The following CCSER1 variants were observed in gnomAD, a reference collection of about 807,000 sequenced individuals.
CCSER1 encodes the protein serine-rich coiled-coil domain-containing protein 1.
A neutral mutation model predicts 82.0 loss-of-function variants in CCSER1; 41 were observed. The ratio of observed to expected loss-of-function variants is 0.50; its 90% CI spans 0.39 to 0.65. The LOEUF is 0.65. Among genes scored for constraint, CCSER1 ranks in the 30% least tolerant of loss-of-function variants. CCSER1 has a pLI of 0.00. For missense variants in CCSER1, 1,119 were observed against 1,064.2 expected (o/e 1.05, Z -0.72); for synonymous variants, 414 against 383.9 (o/e 1.08, Z -0.92).
At chr4:90,855,224 T>C in intron 8 of CCSER1, among the ~76,000 whole-genome samples, 1 of 152,080 alleles carries the variant, frequency 6.6e-6, no homozygotes, top group East Asian at 1.9e-4. Context: ...AATAGATGAC[T>C]ACATTTGTTT....
rs557471523 is a variant in CCSER1 at position 90,690,411 on chromosome 4, C to T, written c.1933-33503C>T. 2.2e-4 allele frequency among the ~76,000 whole-genome samples: 33 copies of T among 152,098 alleles called. No homozygotes were observed. In the South Asian group the frequency reaches 6.0e-3, roughly 28 times the overall value. On this transcript the variant is annotated intron_variant, in intron 6 of 10. Transcript: ENST00000509176. ...AAGGGAGAATTAATATTTCACTCAC[C>T]GCTTAGAGAAAGGTTTCTCTTACTC... is the stretch of plus-strand genomic sequence containing the variant.
intron 10 of CCSER1, among the ~76,000 whole-genome samples, chr4:91,396,049 A>G (rs1177261714): frequency 2.6e-5 from 4 of 152,200 alleles, no homozygotes; most frequent in South Asian, 2.1e-4. Flanking sequence ...CTAGATAGCA[A>G]TTCAGCCATT....
intron 5 of CCSER1, among the ~76,000 whole-genome samples, chr4:90,627,160 A>G (rs1160136414): frequency 6.6e-6 from 1 of 152,198 alleles, no homozygotes; most frequent in Non-Finnish European, 1.5e-5. Context: ...GGACAATTGA[A>G]CCACTGAACA....
chr4:91,222,150 G>A (rs978584428), intron 10 of CCSER1, among the ~76,000 whole-genome samples: 1 of 151,212 alleles, frequency 6.6e-6, no homozygotes, highest in African/African-American at 2.4e-5. Flanking sequence ...GGCTGCTACT[G>A]TGAACTGATT....
At chr4:91,171,562 A>T (rs1732759402) in intron 10 of CCSER1, among the ~76,000 whole-genome samples, 1 of 152,182 alleles carries the variant, frequency 6.6e-6, no homozygotes, top group African/African-American at 2.4e-5. Flanking sequence ...ATAAATACAC[A>T]GTATCCTGCA....
intron 10 of CCSER1, among the ~76,000 whole-genome samples, chr4:91,245,219 A>C (rs1028675101): frequency 6.6e-6 from 1 of 152,196 alleles, no homozygotes; most frequent in Non-Finnish European, 1.5e-5. Context: ...ATAGTGGTAT[A>C]AAGCTTGTTC....
intron 8 of CCSER1, among the ~76,000 whole-genome samples, chr4:90,888,948 A>G (rs988860929): frequency 1.3e-5 from 2 of 152,166 alleles, no homozygotes; most frequent in Non-Finnish European, 2.9e-5. Flanking sequence ...AATATCAGAA[A>G]TATTTCTAAA....
At chr4:90,993,686 C>A (rs1036254700) in intron 9 of CCSER1, among the ~76,000 whole-genome samples, 1 of 151,944 alleles carries the variant, frequency 6.6e-6, no homozygotes, top group Non-Finnish European at 1.5e-5. Flanking sequence ...CAGATAGCTG[C>A]CTTGTGGCTG....
chr4:90,764,917 C>T (rs937948745), intron 7 of CCSER1, among the ~76,000 whole-genome samples: 1 of 151,990 alleles, frequency 6.6e-6, no homozygotes. Context: ...ATATATATTT[C>T]TCACCACTTG....
intron 10 of CCSER1, among the ~76,000 whole-genome samples, chr4:91,279,204 T>G (rs1487693992): frequency 6.6e-6 from 1 of 152,182 alleles, no homozygotes; most frequent in Admixed American, 6.5e-5. Context: ...AAAAATCCCT[T>G]TGTCTTTGAC....
intron 10 of CCSER1, among the ~76,000 whole-genome samples, chr4:91,163,430 G>T (rs574967263): frequency 5.9e-5 from 9 of 151,976 alleles, no homozygotes; most frequent in Non-Finnish European, 1.2e-4. Flanking sequence ...GGAGAGTTCT[G>T]TAGATGTCTA....
intron 5 of CCSER1, among the ~76,000 whole-genome samples, chr4:90,572,062 C>T (rs1780180384): frequency 6.6e-6 from 1 of 152,106 alleles, no homozygotes; most frequent in South Asian, 2.1e-4. Flanking sequence ...AGACAGGTCT[C>T]ATGGTGATGA....
At chr4:90,844,022 G>C (rs1009041201) in intron 8 of CCSER1, among the ~76,000 whole-genome samples, 1 of 151,676 alleles carries the variant, frequency 6.6e-6, no homozygotes, top group African/African-American at 2.4e-5. Flanking sequence ...CTATGACCTC[G>C]TATATTATTA....
intron 6 of CCSER1, among the ~76,000 whole-genome samples, chr4:90,659,985 C>A: frequency 6.7e-6 from 1 of 150,176 alleles, no homozygotes; most frequent in East Asian, 2.0e-4. Flanking sequence ...TTGTTGAGTT[C>A]TTTGAGTTCC....
chr4:90,765,701 A>G (rs1320486173), intron 7 of CCSER1, among the ~76,000 whole-genome samples: 2 of 152,172 alleles, frequency 1.3e-5, no homozygotes, highest in African/African-American at 4.8e-5. Context: ...GACTAGTGAA[A>G]AGTGGAGCAG....
At chr4:90,814,131 A>T (rs1044640422) in intron 7 of CCSER1, among the ~76,000 whole-genome samples, 2 of 152,160 alleles carry the variant, frequency 1.3e-5, no homozygotes, top group Non-Finnish European at 2.9e-5. Context: ...TGGGGCTTGT[A>T]CCCTCTGAAG....
intron 10 of CCSER1, among the ~76,000 whole-genome samples, chr4:91,257,034 C>T (rs1202120520): frequency 6.6e-6 from 1 of 152,066 alleles, no homozygotes; most frequent in Non-Finnish European, 1.5e-5. Context: ...TTTTTTTATA[C>T]ATTTTAAGAG....
intron 1 of CCSER1, among the ~76,000 whole-genome samples, chr4:90,153,157 T>C (rs926534848): frequency 7.3e-5 from 11 of 151,342 alleles, no homozygotes; most frequent in African/African-American, 2.7e-4. Flanking sequence ...GTTCTTGAGA[T>C]AGTTTACTGA....
At chr4:91,198,917 G>C (rs2149063249) in intron 10 of CCSER1, among the ~76,000 whole-genome samples, 1 of 152,180 alleles carries the variant, frequency 6.6e-6, no homozygotes, top group East Asian at 1.9e-4. Flanking sequence ...CTTATCAAAA[G>C]TTTCTCTTTC....
Sources: gnomAD v4.1 joint callset for allele counts (sites outside exome capture counted in the v4.1 genomes callset) on GRCh38, gnomAD v4.1.1 for gene constraint, MANE v1.5 for transcripts, NCBI Gene and HGNC (gene_info 2026-07-23, HGNC 2026-07-21) for gene names.